The following PIN4 variants were observed in gnomAD, a reference collection of about 807,000 sequenced individuals.
PIN4 encodes the protein peptidylprolyl cis/trans isomerase, NIMA-interacting 4.
A neutral mutation model predicts 8.3 loss-of-function variants in PIN4; 3 were observed. The observed-to-expected ratio is 0.36, with a 90% CI of 0.16 to 0.93. The LOEUF is 0.93. Ranked by LOEUF, PIN4 falls within the 40% of genes least tolerant of loss-of-function variation. The probability of loss-of-function intolerance (pLI) is 0.44; values close to 1 mark genes in which losing one functional copy is unlikely to be tolerated. For synonymous variants in PIN4, 18 were observed against 32.5 expected (o/e 0.55, Z 1.52); for missense variants, 75 against 100.6 (o/e 0.75, Z 1.09).
chrX:72,211,124 CAT>C (rs1444831962), intron 3 of PIN4, among the ~76,000 whole-genome samples: 1 of 112,071 alleles, frequency 8.9e-6, no homozygotes, highest in Non-Finnish European at 1.9e-5. Flanking sequence ...GGAGGGAAAA[CAT>C]GTCCTTTTTA....
chrX:72,247,040 T>G (rs1311046638), intron 3 of PIN4, among the ~76,000 whole-genome samples: 1 of 111,918 alleles, frequency 8.9e-6, no homozygotes, highest in Non-Finnish European at 1.9e-5. Context: ...CAATTAGTAA[T>G]CCTAAAGGAG....
chrX:72,181,799 GA>G lies in PIN4; in HGVS notation c.19del (p.Ser7ValfsTer32). 8.4e-7 allele frequency: 1 copy of G among 1,185,507 alleles called. No homozygotes were observed. The highest frequency in any genetic ancestry group is 1.1e-6 in the Non-Finnish European group (1 of 872,814). Reference sequence around the variant, plus strand: ...CAAGCTTCCAAGATGCCGCCCAAAGGAAAAAGTGGTTCTGGAAAAGCGGGGA... The same window carrying G: ...CAAGCTTCCAAGATGCCGCCCAAAGGAAAAGTGGTTCTGGAAAAGCGGGGA... Reference protein sequence around the residue: MPPKGKSGSGKAGKG... With the variant: MPPKXKSGSGKAGKG... On this transcript the variant is annotated frameshift_variant, in exon 1 of 4. Coordinates refer to ENST00000373669, the MANE Select transcript of PIN4 (RefSeq NM_006223.4). LOFTEE classifies it high-confidence loss of function.
chrX:72,229,101 C>T (rs1362969501), intron 3 of PIN4, among the ~76,000 whole-genome samples: 1 of 111,563 alleles, frequency 9.0e-6, no homozygotes, highest in Non-Finnish European at 1.9e-5. Context: ...ACGCCTCAAG[C>T]CTCAAGACTC....
intron 3 of PIN4, among the ~76,000 whole-genome samples, chrX:72,258,990 A>G (rs1276819173): frequency 2.7e-5 from 3 of 111,869 alleles, no homozygotes; most frequent in African/African-American, 9.8e-5. Flanking sequence ...AAGAAAGTCT[A>G]ACCAAGGTCT....
chrX:72,230,435 G>T (rs1235741971), intron 3 of PIN4, among the ~76,000 whole-genome samples: 1 of 111,116 alleles, frequency 9.0e-6, no homozygotes, highest in East Asian at 2.9e-4. Flanking sequence ...AACATTCCAA[G>T]CTTGTGATAA....
intron 3 of PIN4, chrX:72,205,718 C>G: frequency 8.3e-7 from 1 of 1,211,797 alleles, no homozygotes. Flanking sequence ...CTGATTTTTG[C>G]TTTAACTACT....
At chrX:72,185,046 A>G (rs2042692514) in intron 1 of PIN4, among the ~76,000 whole-genome samples, 1 of 103,171 alleles carries the variant, frequency 9.7e-6, no homozygotes, top group African/African-American at 3.5e-5. Context: ...CGGGAGGCTG[A>G]GGCAGGAGAA....
chrX:72,257,564 G>A (rs2043117818), intron 3 of PIN4, among the ~76,000 whole-genome samples: 1 of 111,427 alleles, frequency 9.0e-6, no homozygotes, highest in Non-Finnish European at 1.9e-5. Context: ...GATAAGTGGT[G>A]GATTCTGGAT....
chrX:72,217,700 G>A (rs2042894003), intron 3 of PIN4, among the ~76,000 whole-genome samples: 1 of 110,455 alleles, frequency 9.1e-6, no homozygotes, highest in Admixed American at 9.7e-5. Context: ...AGGTGGACAT[G>A]AAAGCTTACT....
downstream of PIN4, among the ~76,000 whole-genome samples, chrX:72,202,320 A>C (rs182739109): frequency 8.9e-6 from 1 of 112,711 alleles, no homozygotes; most frequent in Non-Finnish European, 1.9e-5. Context: ...AGAATTTGTC[A>C]TAGTACACAC....
At position 72,256,795 on chromosome X, in the gene PIN4, G is replaced by A. The variant is rs140322196; in HGVS notation, c.313-5912G>A. On this transcript the variant is annotated intron_variant, in intron 3 of 3. Coordinates refer to the PIN4 transcript ENST00000423432. ...TTTGAATGAAGACCTGAAACAAGTC[G>A]GGCAGCAAGCCATGCAGACTTCCAA... 4.0e-3 allele frequency among the ~76,000 whole-genome samples: 444 copies of A among 111,846 alleles called. 3 individuals are homozygous for A. The highest frequency in any genetic ancestry group is 9.1e-3 in the Middle Eastern group (2 of 219).
chrX:72,204,036 A>G (rs2042802595), intron 3 of PIN4, among the ~76,000 whole-genome samples: 1 of 112,305 alleles, frequency 8.9e-6, no homozygotes, highest in Non-Finnish European at 1.9e-5. Context: ...AATGGTCAGC[A>G]GTGACTCCAG....
chrX:72,198,426 A>T, downstream of PIN4: 2 of 464,911 alleles, frequency 4.3e-6, no homozygotes, highest in Non-Finnish European at 5.3e-6. Flanking sequence ...ATATAATGGG[A>T]ACTTTACCTA....
At position 72,205,132 on chromosome X, in the gene PIN4, T is replaced by C. The variant is rs1413704568; in HGVS notation, c.312+8228T>C. On this transcript the variant is annotated intron_variant, in intron 3 of 3. Transcript: ENST00000423432. ...TAGGGCCTCCTGGATTTTTCCACAC[T>C]CTTTTAGTTCTTTTCCACGCTTTAC... 5.0e-6 allele frequency: 6 copies of C among 1,211,503 alleles called. No individual in the cohort carries two copies. The highest frequency in any genetic ancestry group is 6.7e-6 in the Non-Finnish European group (6 of 895,431).
intron 3 of PIN4, among the ~76,000 whole-genome samples, chrX:72,249,591 A>C: frequency 8.9e-6 from 1 of 112,156 alleles, no homozygotes. Flanking sequence ...ACTCAGCCAC[A>C]AAAAGAAATG....
At chrX:72,250,520 A>G (rs1157634705) in intron 3 of PIN4, among the ~76,000 whole-genome samples, 2 of 110,066 alleles carry the variant, frequency 1.8e-5, no homozygotes, top group African/African-American at 6.6e-5. Flanking sequence ...TCAGTCCTCT[A>G]TTGAAGGATA....
At chrX:72,238,948 T>C (rs866919471) in intron 3 of PIN4, 2 of 1,114,443 alleles carry the variant, frequency 1.8e-6, no homozygotes, top group Non-Finnish European at 2.4e-6. Context: ...CCGGCGGGAG[T>C]TTGGAGCTTG....
At chrX:72,223,340 TAA>T (rs769062677) in intron 3 of PIN4, among the ~76,000 whole-genome samples, 1 of 82,745 alleles carries the variant, frequency 1.2e-5, no homozygotes, top group South Asian at 6.8e-4. Flanking sequence ...AACTCTGTCT[TAA>T]AAAAAAAAAA....
At chrX:72,212,013 G>A (rs2042857375) in intron 3 of PIN4, among the ~76,000 whole-genome samples, 1 of 111,321 alleles carries the variant, frequency 9.0e-6, no homozygotes. Context: ...GGTGGCTCAT[G>A]CCTGTAATCC....
Sources: gnomAD v4.1 joint callset for allele counts (sites outside exome capture counted in the v4.1 genomes callset) on GRCh38, gnomAD v4.1.1 for gene constraint, MANE v1.5 for transcripts, NCBI Gene and HGNC (gene_info 2026-07-23, HGNC 2026-07-21) for gene names.